Variants in HIPK3 observed in about 807,000 individuals in gnomAD.
HIPK3 encodes homeodomain interacting protein kinase 3.
Under a neutral mutation model 124.2 loss-of-function variants are expected in HIPK3, and 47 were observed. That is an observed-to-expected ratio of 0.38 (90% CI 0.30 to 0.48). The LOEUF is 0.48. Among genes scored for constraint, HIPK3 ranks in the 20% least tolerant of loss-of-function variants. The pLI, the probability that HIPK3 is intolerant of heterozygous loss-of-function variation, is 0.98. For missense variants in HIPK3, 1,286 were observed against 1,454.3 expected (o/e 0.88, Z 1.88); for synonymous variants, 482 against 515.2 (o/e 0.94, Z 0.87).
intron 2 of HIPK3, among the ~76,000 whole-genome samples, chr11:33,319,541 C>T (rs1243518012): frequency 6.6e-6 from 1 of 151,408 alleles, no homozygotes; most frequent in African/African-American, 2.4e-5. Flanking sequence ...TGTTAAAGCT[C>T]AGTAAATAGT....
intron 1 of HIPK3, among the ~76,000 whole-genome samples, chr11:33,261,126 T>TA (rs1469750239): frequency 1.7e-4 from 13 of 78,306 alleles, no homozygotes; most frequent in African/African-American, 5.1e-4. Context: ...AAAATATATA[T>TA]TATATATAAA....
chr11:33,271,377 CAGCCATGGTG>C (rs1335667823), intron 1 of HIPK3, among the ~76,000 whole-genome samples: 1 of 152,004 alleles, frequency 6.6e-6, no homozygotes, highest in African/African-American at 2.4e-5. Flanking sequence ...AGTTTGAGAC[CAGCCATGGTG>C]AGACCTCATC....
intron 1 of HIPK3, among the ~76,000 whole-genome samples, chr11:33,275,020 T>C (rs1851234508): frequency 6.6e-6 from 1 of 152,146 alleles, no homozygotes; most frequent in Non-Finnish European, 1.5e-5. Flanking sequence ...ATGGTGGTTG[T>C]TTCTTATATG....
At chr11:33,258,202 T>C (rs1242565339) in intron 1 of HIPK3, 44 of 241,630 alleles carry the variant, frequency 1.8e-4, no homozygotes, top group South Asian at 3.4e-4. Flanking sequence ...CCCGGGGGCC[T>C]CGGCCCCCCC....
chr11:33,310,954 C>G (rs549997280), intron 2 of HIPK3, among the ~76,000 whole-genome samples: 1 of 152,178 alleles, frequency 6.6e-6, no homozygotes. Context: ...GCCAAGGCCC[C>G]TCTTCCTTGG....
chr11:33,279,080 G>T (rs1851344410), intron 1 of HIPK3, among the ~76,000 whole-genome samples: 1 of 152,076 alleles, frequency 6.6e-6, no homozygotes, highest in African/African-American at 2.4e-5. Flanking sequence ...TTGAGAGGCT[G>T]AGGTGGGTGG....
At chr11:33,330,536 C>G (rs944734908) in intron 3 of HIPK3, among the ~76,000 whole-genome samples, 2 of 152,146 alleles carry the variant, frequency 1.3e-5, no homozygotes, top group Admixed American at 6.5e-5. Flanking sequence ...ACCATGTTGG[C>G]CAGGCTGGTC....
At chr11:33,315,374 G>A (rs1053004636) in intron 2 of HIPK3, among the ~76,000 whole-genome samples, 1 of 152,144 alleles carries the variant, frequency 6.6e-6, no homozygotes, top group Non-Finnish European at 1.5e-5. Flanking sequence ...TTACAGGCAC[G>A]CGCCACCACA....
At chr11:33,258,224 A>AGGTTGC (rs979451095) in intron 1 of HIPK3, 27 of 537,570 alleles carry the variant, frequency 5.0e-5, no homozygotes, top group Non-Finnish European at 5.9e-5. Flanking sequence ...CCCCCTGCCA[A>AGGTTGC]GGTTGCGCAA....
intron 8 of HIPK3, among the ~76,000 whole-genome samples, 191 bp from the exon 9 acceptor site, chr11:33,347,102 T>A (rs1285095423): frequency 6.6e-6 from 1 of 151,794 alleles, no homozygotes; most frequent in Non-Finnish European, 1.5e-5. Context: ...AGGATCCACT[T>A]GAGTCCAGGA....
In HIPK3 at chr11:33,287,181, A is replaced by T; in HGVS notation, c.767A>T (p.Tyr256Phe). The change falls in exon 2 of 17, where the codon TAT becomes TTT. Residue 256 changes from tyrosine to phenylalanine, a missense_variant. Tyr to Phe is a conservative substitution (Grantham distance 22, BLOSUM62 3). Coordinates refer to ENST00000303296, the MANE Select transcript of HIPK3 (RefSeq NM_005734.5). ...ARLSTENADE[Y>F]NFVRAYECFQ... is the part of the protein sequence containing the mutation. ...CTCAGTACTGAAAATGCTGATGAAT[A>T]TAACTTTGTACGAGCTTATGAATGC... 6.2e-7 allele frequency: 1 copy of T among 1,614,222 alleles called. No individual in the cohort carries two copies. Among genetic ancestry groups the T allele is most frequent in the Middle Eastern group, 1.6e-4 (1 of 6,062 alleles).
chr11:33,256,749 G>A (rs1850675405), upstream of HIPK3: 4 of 979,378 alleles, frequency 4.1e-6, no homozygotes, highest in South Asian at 1.4e-4. Context: ...TTACCAATGT[G>A]GAGGTGGGCG....
Position 33,347,862 on chromosome 11 carries a change from T to A in HIPK3, c.2155T>A (p.Ser719Thr), listed in dbSNP as rs745613512. The A allele has an allele frequency of 6.2e-7, 1 of 1,614,162 alleles. No individual in the cohort carries two copies. Among genetic ancestry groups the A allele is most frequent in the Non-Finnish European group, 8.5e-7 (1 of 1,179,990 alleles). The change falls in exon 11 of 17, where the codon TCA (serine) becomes ACA (threonine). Residue 719 changes from serine (S) to threonine (T), a missense_variant. Ser to Thr is a moderately conservative substitution (Grantham distance 58, BLOSUM62 1). Transcript: ENST00000303296. The stretch of plus-strand genomic sequence containing the variant: ...TGAACTTCTCCCTAGGAAGATGATT[T>A]CATGCAGCAATCATTATAACTCAGT... ...HRLGDWGKMISCSNHYNSVMP... is the reference protein window; with the variant it reads ...HRLGDWGKMITCSNHYNSVMP...
chr11:33,270,503 A>G (rs1851096141), intron 1 of HIPK3, among the ~76,000 whole-genome samples: 2 of 152,212 alleles, frequency 1.3e-5, no homozygotes, highest in South Asian at 4.1e-4. Flanking sequence ...GAAAACTTAC[A>G]GTAAAAATAA....
chr11:33,346,099 T>C (rs1853484121), intron 8 of HIPK3, among the ~76,000 whole-genome samples: 1 of 152,216 alleles, frequency 6.6e-6, no homozygotes, highest in African/African-American at 2.4e-5. Flanking sequence ...TACTTTCTGA[T>C]CTTCGGGGAT....
At chr11:33,299,844 T>C (rs1191996286) in intron 2 of HIPK3, among the ~76,000 whole-genome samples, 1 of 145,170 alleles carries the variant, frequency 6.9e-6, no homozygotes, top group Non-Finnish European at 1.5e-5. Flanking sequence ...GGCAATGTGG[T>C]GGGACCTCAT....
At chr11:33,298,735 A>C (rs1296885621) in intron 2 of HIPK3, among the ~76,000 whole-genome samples, 1 of 152,246 alleles carries the variant, frequency 6.6e-6, no homozygotes, top group Non-Finnish European at 1.5e-5. Context: ...TGGAAATAGC[A>C]AGAGAACTAT....
chr11:33,322,158 C>G (rs950697759), intron 2 of HIPK3, among the ~76,000 whole-genome samples: 4 of 152,078 alleles, frequency 2.6e-5, no homozygotes, highest in Non-Finnish European at 5.9e-5. Context: ...TGCCACCACA[C>G]CCAGCTAATT....
chr11:33,356,039 C>T lies in HIPK3; in HGVS notation c.*2471C>T, dbSNP rs1853808146. ...AATCAATGCTGGCAACACATTGTTT[C>T]AGAAACACCAAGTGCAAAGGATTGA... is the stretch of plus-strand genomic sequence containing the variant. On this transcript the variant is annotated 3_prime_UTR_variant, in exon 17 of 17. Transcript: ENST00000303296. 1 of 151,918 alleles carries T rather than the reference C, an allele frequency of 6.6e-6. No individual in the cohort carries two copies. The highest frequency in any genetic ancestry group is 1.5e-5 in the Non-Finnish European group (1 of 67,884). 9.4% of individuals were successfully genotyped at this position (151,918 alleles called of 1,614,324 possible). A position where few individuals can be genotyped will look rare whatever the true frequency, so the allele number is the denominator to read the frequency against.
Sources: allele counts gnomAD v4.1 joint callset (sites outside exome capture counted in the v4.1 genomes callset), GRCh38; gene constraint gnomAD v4.1.1; transcripts MANE v1.5; gene names NCBI Gene and HGNC (gene_info 2026-07-23, HGNC 2026-07-21).